The following NDST3 variants were observed in gnomAD, a reference collection of about 807,000 sequenced individuals.
The protein encoded by NDST3 is N-deacetylase and N-sulfotransferase 3.
Under a neutral mutation model 96.1 loss-of-function variants are expected in NDST3, and 58 were observed. That is an observed-to-expected ratio of 0.60 (90% CI 0.49 to 0.75). NDST3 has a LOEUF of 0.75. Among genes scored for constraint, NDST3 ranks in the 30% least tolerant of loss-of-function variants. The probability of loss-of-function intolerance (pLI) is 0.00; values close to 1 mark genes in which losing one functional copy is unlikely to be tolerated. For synonymous variants in NDST3, 333 were observed against 359.7 expected, an observed-to-expected ratio of 0.93 and a Z score of 0.84; for missense variants, 788 against 1,034.2, an observed-to-expected ratio of 0.76 and a Z score of 3.27.
At position 118,121,125 on chromosome 4, in the gene NDST3, T is replaced by G. The variant is rs191697992; in HGVS notation, c.1224+6165T>G. On this transcript the variant is annotated intron_variant, in intron 4 of 13. Transcript: ENST00000296499. The stretch of plus-strand genomic sequence containing the variant: ...AGTATATCAACCTCCTGCTAAAGAC[T>G]GACTCTGTTATTTAAAATGCTTTAT... 3.0e-3 allele frequency among the ~76,000 whole-genome samples: 457 copies of G among 152,352 alleles called. 2 individuals carry two copies. Among genetic ancestry groups the G allele is most frequent in the African/African-American group, 0.01 (429 of 41,586 alleles).
intron 9 of NDST3, among the ~76,000 whole-genome samples, chr4:118,234,434 C>T (rs1239892981): frequency 6.6e-6 from 1 of 151,866 alleles, no homozygotes; most frequent in Admixed American, 6.6e-5. Flanking sequence ...AAGAAAGAAA[C>T]CATCGACTAC....
intron 2 of NDST3, among the ~76,000 whole-genome samples, chr4:118,101,860 G>T (rs1729792295): frequency 6.6e-6 from 1 of 151,994 alleles, no homozygotes; most frequent in Non-Finnish European, 1.5e-5. Context: ...GATAAAATGG[G>T]TAAATAAATT....
intron 11 of NDST3, among the ~76,000 whole-genome samples, chr4:118,241,639 G>C (rs1741014531): frequency 6.6e-6 from 1 of 152,214 alleles, no homozygotes; most frequent in African/African-American, 2.4e-5. Flanking sequence ...CGTGAGGAAT[G>C]ACATGTTCTC....
intron 6 of NDST3, among the ~76,000 whole-genome samples, chr4:118,219,246 CA>C (rs1193790245): frequency 7.9e-5 from 12 of 152,004 alleles, no homozygotes; most frequent in Admixed American, 4.6e-4. Context: ...CAATCCTAAG[CA>C]AAAAGAACAA....
At chr4:118,215,355 A>C (rs1739126784) in intron 6 of NDST3, among the ~76,000 whole-genome samples, 1 of 152,168 alleles carries the variant, frequency 6.6e-6, no homozygotes, top group Non-Finnish European at 1.5e-5. Context: ...TCAATGGAGT[A>C]GATTGGTTAA....
At chr4:118,040,865 TTTTATATATA>T (rs1236118122) in intron 1 of NDST3, among the ~76,000 whole-genome samples, 4 of 28,744 alleles carry the variant, frequency 1.4e-4, no homozygotes, top group Non-Finnish European at 7.3e-4. Flanking sequence ...ATTTATATAT[TTTTATATATA>T]TATATATTTA....
chr4:118,048,050 AC>A (rs1270016860), intron 1 of NDST3, among the ~76,000 whole-genome samples: 1 of 152,180 alleles, frequency 6.6e-6, no homozygotes, highest in Non-Finnish European at 1.5e-5. Context: ...AAACATTACA[AC>A]CAGAAGAGAT....
intron 6 of NDST3, among the ~76,000 whole-genome samples, chr4:118,148,577 T>C (rs1275387670): frequency 6.6e-6 from 1 of 152,120 alleles, no homozygotes; most frequent in Admixed American, 6.6e-5. Flanking sequence ...GTGAATAGAG[T>C]GAATATCTTA....
rs143214914 is a variant in NDST3, at chr4:118,088,883, A to T, written c.982-16135A>T. Among the ~76,000 whole-genome samples the T allele has an allele frequency of 5.4e-3, 828 of 152,038 alleles. 8 individuals are homozygous for T. The highest frequency in any genetic ancestry group is 9.4e-3 in the Non-Finnish European group (641 of 67,884). ...ACCGTTGCTGGCTCTCTGATAGTTA[A>T]TTGCCTCTATTATGATATTATCATT... is the stretch of plus-strand genomic sequence containing the variant. On this transcript the variant is annotated intron_variant, in intron 2 of 13. Transcript: ENST00000296499.
chr4:118,202,133 C>T (rs1394809646), intron 6 of NDST3, among the ~76,000 whole-genome samples: 1 of 152,050 alleles, frequency 6.6e-6, no homozygotes, highest in Non-Finnish European at 1.5e-5. Flanking sequence ...CTATTCTCTT[C>T]CATTTGTCTT....
Position 118,237,034 on chromosome 4 carries a change from T to A in NDST3, c.1944-12T>A, listed in dbSNP as rs565035571. On this transcript the variant is annotated splice_polypyrimidine_tract_variant and intron_variant, in intron 9 of 13. Transcript: ENST00000296499. ...CCAGAATCTTATTTTGAGAAAAATA[T>A]TCCTTTTCTAGGTATATGGATTTCT... 6.4e-7 allele frequency: 1 copy of A among 1,559,968 alleles called. No individual in the cohort carries two copies. The highest frequency in any genetic ancestry group is 1.9e-5 in the Admixed American group (1 of 53,868).
intron 6 of NDST3, among the ~76,000 whole-genome samples, chr4:118,161,424 T>C (rs1735118753): frequency 6.6e-6 from 1 of 152,198 alleles, no homozygotes; most frequent in African/African-American, 2.4e-5. Flanking sequence ...GACATTTAAG[T>C]CTGCAGAGGT....
chr4:118,253,668 C>G lies in NDST3; in HGVS notation c.2502+67C>G, dbSNP rs185711099. On this transcript the variant is annotated intron_variant, in intron 13 of 13. Transcript: ENST00000296499. The stretch of plus-strand genomic sequence containing the variant: ...GGTAACCAATAATATCATCTACTTT[C>G]TTAAAAAACTAGTTAAAGTCAAAAT... 1.6e-3 allele frequency: 1,675 copies of G among 1,063,164 alleles called. 9 individuals carry two copies. The highest frequency in any genetic ancestry group is 5.7e-4 in the Non-Finnish European group (413 of 728,198). The allele number at this position is 1,063,164 out of a possible 1,614,324, so 65.9% of individuals were successfully genotyped here. A position where few individuals can be genotyped will look rare whatever the true frequency, so the allele number is the denominator to read the frequency against.
chr4:118,136,280 AC>A (rs1272052910), intron 4 of NDST3, among the ~76,000 whole-genome samples: 7 of 152,246 alleles, frequency 4.6e-5, no homozygotes, highest in Non-Finnish European at 7.3e-5. Flanking sequence ...ATACTATTTA[AC>A]AACCACCAGA....
At chr4:118,075,173 T>C (rs1416941416) in intron 2 of NDST3, among the ~76,000 whole-genome samples, 2 of 152,110 alleles carry the variant, frequency 1.3e-5, no homozygotes, top group Non-Finnish European at 2.9e-5. Flanking sequence ...GTCCTTGCGA[T>C]GGTTTGCTCA....
At position 118,209,028 on chromosome 4, in the gene NDST3, C is replaced by T. The variant is rs1483943313; in HGVS notation, c.1540-15463C>T. Among the ~76,000 whole-genome samples the T allele has an allele frequency of 6.6e-5, 7 of 105,290 alleles. 2 individuals carry two copies. The highest frequency in any genetic ancestry group is 1.5e-4 in the Non-Finnish European group (7 of 46,368). The allele number at this position is 105,290 out of a possible 152,430, so 69.1% of individuals were successfully genotyped here. A position where few individuals can be genotyped will look rare whatever the true frequency, so the allele number is the denominator to read the frequency against. On this transcript the variant is annotated intron_variant, in intron 6 of 13. Transcript: ENST00000296499. The stretch of plus-strand genomic sequence containing the variant: ...TGATTACCTAAATTTAATTCATTCA[C>T]ATATGAGCCAAAATCAAATTTTCAT...
chr4:118,134,490 G>C (rs1046459912), intron 4 of NDST3, among the ~76,000 whole-genome samples: 1 of 152,098 alleles, frequency 6.6e-6, no homozygotes, highest in African/African-American at 2.4e-5. Context: ...ATTCGACTAG[G>C]GTGATGATAA....
chr4:118,196,854 T>C (rs1304154827), intron 6 of NDST3, among the ~76,000 whole-genome samples: 1 of 152,012 alleles, frequency 6.6e-6, no homozygotes, highest in African/African-American at 2.4e-5. Flanking sequence ...GCTCTGATCT[T>C]TATTATTCCT....
At chr4:118,194,136 G>A (rs1330616018) in intron 6 of NDST3, 13 of 1,031,124 alleles carry the variant, frequency 1.3e-5, no homozygotes, top group Non-Finnish European at 1.5e-5. Flanking sequence ...ACAATGGAAT[G>A]TTCTCCTTTC....
Sources: allele counts gnomAD v4.1 joint callset (sites outside exome capture counted in the v4.1 genomes callset), GRCh38; gene constraint gnomAD v4.1.1; transcripts MANE v1.5; gene names NCBI Gene and HGNC (gene_info 2026-07-23, HGNC 2026-07-21).